GABRB2: variants seen among roughly 807,000 people sequenced by gnomAD.
The protein encoded by GABRB2 is gamma-aminobutyric acid type A receptor subunit beta2, also known as gamma-aminobutyric acid receptor subunit beta-2.
A neutral mutation model predicts 54.7 loss-of-function variants in GABRB2; 16 were observed. The ratio of observed to expected loss-of-function variants is 0.29; its 90% CI spans 0.20 to 0.44. The LOEUF (loss-of-function observed/expected upper bound fraction) is 0.44. Among genes scored for constraint, GABRB2 ranks in the 20% least tolerant of loss-of-function variants. The pLI, the probability that GABRB2 is intolerant of heterozygous loss-of-function variation, is 1.00. For synonymous variants in GABRB2, 244 were observed against 233.8 expected, an observed-to-expected ratio of 1.04 and a Z score of -0.40; for missense variants, 355 against 644.0, an observed-to-expected ratio of 0.55 and a Z score of 4.86.
intron 5 of GABRB2, among the ~76,000 whole-genome samples, chr5:161,338,847 C>A (rs994941932): frequency 5.9e-5 from 9 of 152,020 alleles, no homozygotes; most frequent in Non-Finnish European, 1.3e-4. Flanking sequence ...AACATACATT[C>A]TAGGTATTAA....
At chr5:161,538,234 G>T (rs930725499) in intron 3 of GABRB2, among the ~76,000 whole-genome samples, 2 of 152,118 alleles carry the variant, frequency 1.3e-5, no homozygotes, top group Non-Finnish European at 2.9e-5. Flanking sequence ...TTCGCCCGGG[G>T]TCAAATATCC....
chr5:161,506,002 ACTGT>A (rs1299658294), intron 3 of GABRB2, among the ~76,000 whole-genome samples: 2 of 152,074 alleles, frequency 1.3e-5, no homozygotes, highest in African/African-American at 4.8e-5. Flanking sequence ...AAGATGTAAG[ACTGT>A]CTTTTTTCAT....
chr5:161,351,518 C>A (rs967788747), intron 5 of GABRB2, among the ~76,000 whole-genome samples: 1 of 151,984 alleles, frequency 6.6e-6, no homozygotes, highest in Admixed American at 6.6e-5. Context: ...AAATTAAAAC[C>A]CTTGTTCCAT....
intron 6 of GABRB2, 147 bp downstream of exon 6, chr5:161,336,485 T>C (rs1753996650): frequency 4.3e-6 from 4 of 936,630 alleles, no homozygotes; most frequent in South Asian, 1.7e-5. Flanking sequence ...AGTAGAACAA[T>C]AGACTTCATG....
At chr5:161,458,453 C>T (rs958318724) in intron 4 of GABRB2, among the ~76,000 whole-genome samples, 1 of 152,116 alleles carries the variant, frequency 6.6e-6, no homozygotes, top group African/African-American at 2.4e-5. Context: ...AGGCCAAATG[C>T]CTTTTTCTCG....
At chr5:161,507,769 C>T (rs373772807) in intron 3 of GABRB2, among the ~76,000 whole-genome samples, 95 of 152,084 alleles carry the variant, frequency 6.2e-4, no homozygotes, top group African/African-American at 2.2e-3. Flanking sequence ...CAGCATTAGT[C>T]ATCAGAGAAA....
Position 161,532,210 on chromosome 5 carries a change from C to A in GABRB2, c.237+13017G>T, listed in dbSNP as rs1222526753. ...AACACACCCTAGGTAAATAAGCATT[C>A]ATATGTATGTATATATGTGTATATC... is the stretch of plus-strand genomic sequence containing the variant. On this transcript the variant is annotated intron_variant, in intron 3 of 9. Coordinates refer to ENST00000393959, the MANE Select transcript of GABRB2 (RefSeq NM_001371727.1). Among the ~76,000 whole-genome samples, 7 of 152,046 alleles carry A rather than the reference C, an allele frequency of 4.6e-5. No homozygotes were observed. The East Asian group carries it at 1.4e-3, about 29-fold the overall frequency.
At chr5:161,505,418 A>G (rs1759577378) in intron 3 of GABRB2, among the ~76,000 whole-genome samples, 1 of 152,126 alleles carries the variant, frequency 6.6e-6, no homozygotes, top group Non-Finnish European at 1.5e-5. Flanking sequence ...GGCGTGAGCC[A>G]CCGCACCCAG....
At chr5:161,417,505 C>T (rs992943867) in intron 4 of GABRB2, among the ~76,000 whole-genome samples, 4 of 152,198 alleles carry the variant, frequency 2.6e-5, no homozygotes, top group African/African-American at 9.7e-5. Flanking sequence ...TGGTAGCTAA[C>T]TTCCTAGTTG....
chr5:161,432,758 A>T (rs1757204707), intron 4 of GABRB2, among the ~76,000 whole-genome samples: 1 of 152,178 alleles, frequency 6.6e-6, no homozygotes, highest in African/African-American at 2.4e-5. Context: ...AGTACCTCAG[A>T]GTCCTCCCCA....
chr5:161,469,164 GT>G (rs553373614), intron 3 of GABRB2, among the ~76,000 whole-genome samples: 3 of 151,638 alleles, frequency 2.0e-5, no homozygotes, highest in Non-Finnish European at 2.9e-5. Flanking sequence ...GTTAATCTGT[GT>G]TTTTTTAGGT....
At chr5:161,542,411 T>C (rs1036730981) in intron 3 of GABRB2, among the ~76,000 whole-genome samples, 7 of 152,160 alleles carry the variant, frequency 4.6e-5, no homozygotes, top group Non-Finnish European at 1.0e-4. Flanking sequence ...TAAAACAAGG[T>C]ATATCTATAT....
intron 3 of GABRB2, among the ~76,000 whole-genome samples, chr5:161,518,383 T>C (rs1760014805): frequency 6.6e-6 from 1 of 152,172 alleles, no homozygotes; most frequent in Admixed American, 6.6e-5. Context: ...GTTGTGGACA[T>C]TACTTACCCC....
At chr5:161,479,001 T>C (rs111246443) in intron 3 of GABRB2, among the ~76,000 whole-genome samples, 9 of 152,072 alleles carry the variant, frequency 5.9e-5, no homozygotes, top group African/African-American at 1.9e-4. Context: ...ATATCCCTGC[T>C]TTCATGCTTT....
chr5:161,433,470 CA>C (rs1231973558), intron 4 of GABRB2, among the ~76,000 whole-genome samples: 8 of 149,746 alleles, frequency 5.3e-5, no homozygotes, highest in Non-Finnish European at 8.9e-5. Flanking sequence ...AATAGTCGGG[CA>C]AGGTGGTGCT....
At chr5:161,547,764 G>C (rs1202714430), upstream of GABRB2, 1 of 152,276 alleles carries the variant, frequency 6.6e-6, no homozygotes, top group East Asian at 1.9e-4. Context: ...CGACCGCACA[G>C]AGCAGGAAGG....
Position 161,289,507 on chromosome 5 carries a change from A to AT in GABRB2, c.*4573_*4574insA, listed in dbSNP as rs1193139444. 6.6e-6 allele frequency: 1 copy of AT among 152,042 alleles called. No homozygotes were observed. Among genetic ancestry groups the AT allele is most frequent in the Non-Finnish European group, 1.5e-5 (1 of 67,986 alleles). The allele number at this position is 152,042 out of a possible 1,614,324, so 9.4% of individuals were successfully genotyped here. ...AAAAGTCTTCTAGTGTATATTGTGTAACACATTTCTGGAGCTGGTAGGAAT... is the reference window on the plus strand; with the variant it reads ...AAAAGTCTTCTAGTGTATATTGTGTATACACATTTCTGGAGCTGGTAGGAAT... On this transcript the variant is annotated 3_prime_UTR_variant, in exon 10 of 10. Transcript: ENST00000393959.
At chr5:161,380,795 T>C (rs865812659) in intron 5 of GABRB2, among the ~76,000 whole-genome samples, 1 of 151,124 alleles carries the variant, frequency 6.6e-6, no homozygotes, top group Non-Finnish European at 1.5e-5. Flanking sequence ...TATAGTGAGG[T>C]GGAAATAAAA....
At chr5:161,331,193 GA>G (rs775202730) in intron 7 of GABRB2, 66 bp from the exon 8 acceptor site, 19 of 1,482,162 alleles carry the variant, frequency 1.3e-5, no homozygotes, top group Non-Finnish European at 1.2e-5. Flanking sequence ...TTAATAGCTG[GA>G]AAGGTGATCT....
Sources: allele counts gnomAD v4.1 joint callset (sites outside exome capture counted in the v4.1 genomes callset), GRCh38; gene constraint gnomAD v4.1.1; transcripts MANE v1.5; gene names NCBI Gene and HGNC (gene_info 2026-07-23, HGNC 2026-07-21).